The following AGMO variants were observed in gnomAD, a reference collection of about 807,000 sequenced individuals.
AGMO encodes alkylglycerol monooxygenase.
A neutral mutation model predicts 60.2 loss-of-function variants in AGMO; 75 were observed. The ratio of observed to expected loss-of-function variants is 1.25; its 90% CI spans 1.03 to 1.51. AGMO has a LOEUF of 1.51. AGMO is among the 40% of genes most tolerant of loss of function. AGMO has a pLI of 0.00. For missense variants in AGMO, 763 were observed against 525.5 expected, an observed-to-expected ratio of 1.45 and a Z score of -4.42; for synonymous variants, 261 against 177.1, an observed-to-expected ratio of 1.47 and a Z score of -3.76.
the AGMO span, among the ~76,000 whole-genome samples, chr7:15,169,253 C>G: frequency 2.0e-3 from 312 of 152,314 alleles, 4 homozygotes; most frequent in Admixed American, 0.019. Context: ...CTTGTCATAA[C>G]TACTGAACTC....
chr7:15,225,007 G>A (rs976870433), intron 12 of AGMO, among the ~76,000 whole-genome samples: 2 of 151,942 alleles, frequency 1.3e-5, no homozygotes, highest in Admixed American at 6.6e-5. Context: ...CTAATTCACA[G>A]GTAGAAGGAA....
intron 5 of AGMO, among the ~76,000 whole-genome samples, chr7:15,397,548 T>C (rs999285366): frequency 6.6e-6 from 1 of 152,198 alleles, no homozygotes; most frequent in Admixed American, 6.5e-5. Flanking sequence ...TGCTAGCACG[T>C]TGTTACCTCT....
intron 3 of AGMO, among the ~76,000 whole-genome samples, chr7:15,471,808 T>G (rs115587023): frequency 3.1e-4 from 47 of 151,978 alleles, no homozygotes; most frequent in Middle Eastern, 3.4e-3. Context: ...GGTACAGCTC[T>G]TATGTAAAGC....
At chr7:15,397,279 C>G (rs1237128773) in intron 5 of AGMO, among the ~76,000 whole-genome samples, 1 of 151,890 alleles carries the variant, frequency 6.6e-6, no homozygotes, top group East Asian at 1.9e-4. Context: ...GCCCAGCAGG[C>G]GCCGGCTGGC....
At chr7:15,308,092 T>C (rs1780666515) in intron 12 of AGMO, among the ~76,000 whole-genome samples, 1 of 152,066 alleles carries the variant, frequency 6.6e-6, no homozygotes, top group African/African-American at 2.4e-5. Flanking sequence ...ACCCACAGGC[T>C]GCCAGGAAAC....
rs1292774940 is a variant in AGMO at position 15,560,131 on chromosome 7, T to C, written c.257+10A>G. 6.2e-7 allele frequency: 1 copy of C among 1,603,968 alleles called. No homozygotes were observed. The highest frequency in any genetic ancestry group is 2.2e-5 in the East Asian group (1 of 44,518). On this transcript the variant is annotated intron_variant, in intron 2 of 12. Transcript: ENST00000342526. ...TTTTTATGCTCAGCGTTGTTGACCA[T>C]CTAACTCACCTTGGAAGTCGAGACA...
At chr7:15,334,191 G>T (rs917739022) in intron 12 of AGMO, among the ~76,000 whole-genome samples, 1 of 151,806 alleles carries the variant, frequency 6.6e-6, no homozygotes, top group Non-Finnish European at 1.5e-5. Flanking sequence ...GATTCACAAA[G>T]CAAATTTGAA....
At chr7:15,516,003 G>C (rs1189653989) in intron 3 of AGMO, among the ~76,000 whole-genome samples, 8 of 152,068 alleles carry the variant, frequency 5.3e-5, no homozygotes, top group Admixed American at 1.3e-4. Context: ...AAAATAATAA[G>C]TATGTGAGGT....
intron 4 of AGMO, among the ~76,000 whole-genome samples, chr7:15,430,152 T>C (rs567091146): frequency 2.0e-5 from 3 of 152,104 alleles, no homozygotes; most frequent in Non-Finnish European, 2.9e-5. Flanking sequence ...GAGTGGCACA[T>C]AGTACGTACT....
chr7:15,460,432 A>G (rs1158038585), intron 3 of AGMO, among the ~76,000 whole-genome samples: 1 of 152,114 alleles, frequency 6.6e-6, no homozygotes, highest in African/African-American at 2.4e-5. Context: ...CTGCAACCAC[A>G]TATTTTAAGG....
intron 12 of AGMO, among the ~76,000 whole-genome samples, chr7:15,346,861 AC>A (rs1481678106): frequency 2.0e-5 from 3 of 149,024 alleles, no homozygotes; most frequent in Non-Finnish European, 4.5e-5. Context: ...GTAGTAAGTA[AC>A]TATTTTGTAT....
chr7:15,334,127 C>T (rs1057011527), intron 12 of AGMO, among the ~76,000 whole-genome samples: 1 of 151,850 alleles, frequency 6.6e-6, no homozygotes, highest in African/African-American at 2.4e-5. Context: ...ATGTAAAAAA[C>T]TCATAACAAA....
intron 3 of AGMO, among the ~76,000 whole-genome samples, chr7:15,453,602 T>A (rs1781912914): frequency 6.6e-6 from 1 of 152,156 alleles, no homozygotes; most frequent in Non-Finnish European, 1.5e-5. Context: ...GAAGCATTTC[T>A]CCGGGTAAAA....
At chr7:15,214,578 C>A (rs866149536) in intron 12 of AGMO, among the ~76,000 whole-genome samples, 1 of 152,060 alleles carries the variant, frequency 6.6e-6, no homozygotes, top group South Asian at 2.1e-4. Flanking sequence ...AGGTTTCTCA[C>A]AATTCAAACC....
At chr7:15,253,484 G>C (rs577445855) in intron 12 of AGMO, among the ~76,000 whole-genome samples, 3 of 152,084 alleles carry the variant, frequency 2.0e-5, no homozygotes, top group Non-Finnish European at 4.4e-5. Context: ...AATGATTTCT[G>C]AGCAAGGTGC....
At chr7:15,224,989 T>G (rs1782033638) in intron 12 of AGMO, among the ~76,000 whole-genome samples, 1 of 152,024 alleles carries the variant, frequency 6.6e-6, no homozygotes, top group Non-Finnish European at 1.5e-5. Flanking sequence ...ATATAAAAAA[T>G]AAATGTCCTA....
At chr7:15,479,608 C>A (rs1173511954) in intron 3 of AGMO, among the ~76,000 whole-genome samples, 1 of 151,906 alleles carries the variant, frequency 6.6e-6, no homozygotes, top group Admixed American at 6.6e-5. Flanking sequence ...GAAAACAAAG[C>A]CGTGATTTGG....
chr7:15,279,304 C>A (rs1446330760), intron 12 of AGMO, among the ~76,000 whole-genome samples: 1 of 152,166 alleles, frequency 6.6e-6, no homozygotes, highest in Non-Finnish European at 1.5e-5. Context: ...TCACTCTCCT[C>A]TGCTTTCTCT....
chr7:15,482,578 A>T (rs1782788037), intron 3 of AGMO, among the ~76,000 whole-genome samples: 1 of 152,194 alleles, frequency 6.6e-6, no homozygotes, highest in Non-Finnish European at 1.5e-5. Context: ...CATTTAAGGA[A>T]GAAATAGTGA....
Sources: gnomAD v4.1 joint callset for allele counts (sites outside exome capture counted in the v4.1 genomes callset) on GRCh38, gnomAD v4.1.1 for gene constraint, MANE v1.5 for transcripts, NCBI Gene and HGNC (gene_info 2026-07-23, HGNC 2026-07-21) for gene names.